Variants in ZMYND8 observed in about 807,000 individuals in gnomAD.
ZMYND8 encodes the protein MYND-type zinc finger-containing chromatin reader ZMYND8.
Under a neutral mutation model 140.8 loss-of-function variants are expected in ZMYND8, and 37 were observed. The observed-to-expected ratio is 0.26, with a 90% CI of 0.20 to 0.35. ZMYND8 has a LOEUF of 0.35. ZMYND8 is among the 10% of genes least tolerant of loss of function. The probability of loss-of-function intolerance (pLI) is 1.00; values close to 1 mark genes in which losing one functional copy is unlikely to be tolerated. For synonymous variants in ZMYND8, 592 were observed against 597.1 expected (o/e 0.99, Z 0.12); for missense variants, 1,068 against 1,570.0 (o/e 0.68, Z 5.40).
intron 9 of ZMYND8, among the ~76,000 whole-genome samples, chr20:47,282,585 C>A (rs1320492453): frequency 6.6e-6 from 1 of 152,052 alleles, no homozygotes; most frequent in Non-Finnish European, 1.5e-5. Flanking sequence ...ATTAACCAGG[C>A]GTGGTGGCAC....
At chr20:47,343,744 G>A (rs542008891) in intron 2 of ZMYND8, among the ~76,000 whole-genome samples, 4 of 151,980 alleles carry the variant, frequency 2.6e-5, no homozygotes, top group African/African-American at 7.2e-5. Context: ...TGATCTGCCC[G>A]CCTTGGCCTC....
chr20:47,303,932 A>G (rs1011430047), intron 3 of ZMYND8, among the ~76,000 whole-genome samples: 1 of 152,220 alleles, frequency 6.6e-6, no homozygotes, highest in African/African-American at 2.4e-5. Context: ...TTCCTGAAAC[A>G]GCAGCAGTTG....
intron 19 of ZMYND8, among the ~76,000 whole-genome samples, chr20:47,223,562 C>T (rs941415252): frequency 3.3e-5 from 5 of 151,576 alleles, no homozygotes; most frequent in African/African-American, 1.2e-4. Flanking sequence ...CTGTGGCTCA[C>T]GCCTGTAATC....
intron 2 of ZMYND8, among the ~76,000 whole-genome samples, chr20:47,346,367 A>C (rs2082334332): frequency 6.6e-6 from 1 of 152,162 alleles, no homozygotes; most frequent in Non-Finnish European, 1.5e-5. Flanking sequence ...CATCAATGGC[A>C]CTGAAACTTC....
At chr20:47,352,023 A>T (rs1472780872) in intron 1 of ZMYND8, 1 of 983,776 alleles carries the variant, frequency 1.0e-6, no homozygotes, top group Admixed American at 6.2e-5. Context: ...AGCCTTCAAC[A>T]TGAGGCTCTG....
chr20:47,301,497 C>A (rs2148094067), intron 3 of ZMYND8, among the ~76,000 whole-genome samples: 3 of 152,158 alleles, frequency 2.0e-5, no homozygotes, highest in Admixed American at 2.0e-4. Flanking sequence ...GTCAGACCAA[C>A]TTTTAAGATA....
At chr20:47,313,343 C>T (rs1293708637) in intron 2 of ZMYND8, among the ~76,000 whole-genome samples, 1 of 151,798 alleles carries the variant, frequency 6.6e-6, no homozygotes, top group Non-Finnish European at 1.5e-5. Context: ...AGGCTGGAGG[C>T]CGGGCGCAGT....
chr20:47,273,405 G>A (rs1302904813), intron 11 of ZMYND8, among the ~76,000 whole-genome samples: 2 of 152,102 alleles, frequency 1.3e-5, no homozygotes, highest in African/African-American at 4.8e-5. Context: ...GAACATCTGG[G>A]CATGGTAGCG....
intron 2 of ZMYND8, among the ~76,000 whole-genome samples, chr20:47,346,959 G>C (rs926461248): frequency 2.6e-5 from 4 of 152,150 alleles, no homozygotes; most frequent in Admixed American, 2.6e-4. Flanking sequence ...CGCCTTTAGG[G>C]AGTCACTTTG....
In ZMYND8 at chr20:47,338,133, T is replaced by G. The variant is rs1267452107; in HGVS notation, c.85+9723A>C. Among the ~76,000 whole-genome samples, 6 of 152,176 alleles carry G rather than the reference T, an allele frequency of 3.9e-5. No homozygotes were observed. In the East Asian group the frequency reaches 1.2e-3, roughly 30 times the overall value. On this transcript the variant is annotated intron_variant, in intron 2 of 22. Transcript: ENST00000471951. ...CACCTTATCTCCTTTTGAGGACCCA[T>G]CTCTTTCCCAGTGGGGACAGCGTTG...
At chr20:47,334,694 C>G (rs898929948) in intron 2 of ZMYND8, among the ~76,000 whole-genome samples, 1 of 151,758 alleles carries the variant, frequency 6.6e-6, no homozygotes, top group African/African-American at 2.4e-5. Flanking sequence ...ACTGCAACCT[C>G]CACGTCCCAC....
At chr20:47,352,409 G>A in intron 1 of ZMYND8, 1 of 973,780 alleles carries the variant, frequency 1.0e-6, no homozygotes, top group Non-Finnish European at 1.2e-6. Flanking sequence ...TTAACATCAA[G>A]GAAAGACAAT....
intron 8 of ZMYND8, chr20:47,285,772 G>C: frequency 6.1e-6 from 6 of 984,838 alleles, no homozygotes; most frequent in Non-Finnish European, 7.2e-6. Context: ...TCCATGTGTT[G>C]TATGTAATAC....
intron 21 of ZMYND8, among the ~76,000 whole-genome samples, chr20:47,219,321 G>C (rs1197598488): frequency 6.6e-6 from 1 of 151,788 alleles, no homozygotes; most frequent in East Asian, 2.0e-4. Flanking sequence ...CTCCCAAAGT[G>C]CTGGGATTAC....
chr20:47,291,671 G>C (rs1379514968), intron 6 of ZMYND8, 125 bp downstream of exon 6: 1 of 588,876 alleles, frequency 1.7e-6, no homozygotes, highest in Non-Finnish European at 2.6e-6. Flanking sequence ...AAGGAGCAAT[G>C]AAAATATAGA....
intron 21 of ZMYND8, among the ~76,000 whole-genome samples, chr20:47,219,613 C>T (rs1308264932): frequency 2.0e-5 from 3 of 151,858 alleles, no homozygotes; most frequent in Non-Finnish European, 2.9e-5. Flanking sequence ...TGTCTTCCAC[C>T]AGGAAGACAC....
intron 2 of ZMYND8, chr20:47,318,618 C>A: frequency 2.5e-6 from 1 of 406,952 alleles, no homozygotes; most frequent in East Asian, 7.2e-5. Flanking sequence ...CTCGCATTAG[C>A]AAATGATTAT....
At position 47,317,788 on chromosome 20, in the gene ZMYND8, G is replaced by T. The variant is rs988678292; in HGVS notation, c.86-7584C>A. 5.3e-5 allele frequency among the ~76,000 whole-genome samples: 8 copies of T among 152,278 alleles called. No individual in the cohort carries two copies. The East Asian group carries it at 1.5e-3, about 29-fold the overall frequency. ...AGTGGTGGGGAATCAGCTTTCTGGCGTCAAAATGCATGCAGAACCTGGCTG... is the reference window on the plus strand; with the variant it reads ...AGTGGTGGGGAATCAGCTTTCTGGCTTCAAAATGCATGCAGAACCTGGCTG... On this transcript the variant is annotated intron_variant, in intron 2 of 22. Coordinates refer to ENST00000471951, the MANE Select transcript of ZMYND8 (RefSeq NM_001281775.3).
chr20:47,303,620 C>T (rs1033552609), intron 3 of ZMYND8, among the ~76,000 whole-genome samples: 5 of 151,878 alleles, frequency 3.3e-5, no homozygotes, highest in Admixed American at 6.6e-5. Flanking sequence ...TGCTTGAACC[C>T]GGGAGGTGGA....
Sources: allele counts gnomAD v4.1 joint callset (sites outside exome capture counted in the v4.1 genomes callset), GRCh38; gene constraint gnomAD v4.1.1; transcripts MANE v1.5; gene names NCBI Gene and HGNC (gene_info 2026-07-23, HGNC 2026-07-21).